SYCP2: variants seen among roughly 807,000 people sequenced by gnomAD.
SYCP2 encodes the protein synaptonemal complex lateral element protein.
In SYCP2, 55 loss-of-function variants were observed where a neutral mutation model predicts 211.3. That is an observed-to-expected ratio of 0.26 (90% CI 0.21 to 0.33). SYCP2 has a LOEUF of 0.33. SYCP2 is among the 10% of genes least tolerant of loss of function. SYCP2 has a pLI of 1.00. For synonymous variants in SYCP2, 570 were observed against 555.2 expected (o/e 1.03, Z -0.37); for missense variants, 1,731 against 1,752.0 (o/e 0.99, Z 0.21).
intron 1 of SYCP2, among the ~76,000 whole-genome samples, chr20:59,932,632 C>G (rs1461506051): frequency 6.6e-6 from 1 of 152,148 alleles, no homozygotes; most frequent in Non-Finnish European, 1.5e-5. Flanking sequence ...CGAGATCGCA[C>G]CACTAAACTC....
rs1208785787 is a variant in SYCP2 at position 59,866,334 on chromosome 20, T to C, written c.4279A>G (p.Lys1427Glu). The change falls in exon 41 of 45, where the codon AAA becomes GAA. Residue 1427 changes from lysine to glutamate, a missense_variant. Around this residue, in one of 3 missense-constraint regions of SYCP2, gnomAD observed 1,387 missense variants for 1,351.3 expected, o/e 1.03. Coordinates refer to ENST00000357552, the MANE Select transcript of SYCP2 (RefSeq NM_014258.4). ...AAATCTTTTAAAGACTGTGAATCTT[T>C]TTCAAAATTCTCCAGCTCCTCTATG... ...IIIEELENFE[K>E]DSQSLKDLEK... 6.3e-7 allele frequency: 1 copy of C among 1,597,814 alleles called. No individual in the cohort carries two copies. The highest frequency in any genetic ancestry group is 1.7e-5 in the Admixed American group (1 of 57,208).
intron 32 of SYCP2, 27 bp downstream of exon 32, chr20:59,877,981 T>C (rs1401638222): frequency 6.4e-7 from 1 of 1,557,900 alleles, no homozygotes; most frequent in Non-Finnish European, 8.8e-7. Context: ...TTTAAAGGGA[T>C]GTTTGAACAC....
At position 59,908,722 on chromosome 20, in the gene SYCP2, A is replaced by G. The variant is rs78957129; in HGVS notation, c.973-1298T>C. Among the ~76,000 whole-genome samples the G allele has an allele frequency of 1.9e-4, 29 of 152,248 alleles. No individual in the cohort carries two copies. In the East Asian group the frequency reaches 5.4e-3, roughly 28 times the overall value. On this transcript the variant is annotated intron_variant, in intron 14 of 44. Transcript: ENST00000357552. ...AAATATGCCCTTACCCAGATTCAAC[A>G]GTTATCAGTATGTTGTAGCAATTTT...
intron 39 of SYCP2, among the ~76,000 whole-genome samples, chr20:59,867,327 A>C (rs1366872959): frequency 6.6e-6 from 1 of 151,804 alleles, no homozygotes; most frequent in Non-Finnish European, 1.5e-5. Context: ...AAAACTAGTA[A>C]AACAAAATGA....
intron 18 of SYCP2, 67 bp downstream of exon 18, chr20:59,900,071 T>A (rs770566092): frequency 6.8e-7 from 1 of 1,470,608 alleles, no homozygotes; most frequent in Non-Finnish European, 9.5e-7. Context: ...CTTCTTTCAG[T>A]ACTCATATAT....
rs751600219 is a variant in SYCP2 at position 59,896,519 on chromosome 20, G to A, written c.1414C>T (p.Pro472Ser). The A allele has an allele frequency of 3.7e-6, 6 of 1,602,670 alleles. No individual in the cohort carries two copies. In the African/African-American group the frequency reaches 5.4e-5, roughly 14 times the overall value. Residue 472 changes from proline (P) to serine (S), a missense_variant, in exon 19 of 45, where the codon CCT (proline) becomes TCT (serine). By Grantham distance (74) the Pro-to-Ser change is moderately conservative. Coordinates refer to ENST00000357552, the MANE Select transcript of SYCP2 (RefSeq NM_014258.4). Reference protein sequence around the residue: ...RNNSQLEKTTPSKRKMSEASM... With the variant: ...RNNSQLEKTTSSKRKMSEASM... ...GCTTCAGACATTTTTCTTTTGCTAG[G>A]AGTAGTTTTCTGAAACCACGATGAA...
chr20:59,867,681 G>C, intron 39 of SYCP2, 30 bp downstream of exon 39: 1 of 1,555,280 alleles, frequency 6.4e-7, no homozygotes, highest in Non-Finnish European at 8.8e-7. Flanking sequence ...ATATTATTGG[G>C]TATAAATCAT....
At chr20:59,911,892 A>G in intron 13 of SYCP2, 47 bp from the exon 14 acceptor site, 1 of 959,634 alleles carries the variant, frequency 1.0e-6, no homozygotes, top group Non-Finnish European at 1.6e-6. Flanking sequence ...GATTTTAGAA[A>G]TAACAGACAA....
chr20:59,877,875 G>A (rs961144832), intron 32 of SYCP2, 133 bp downstream of exon 32: 17 of 692,224 alleles, frequency 2.5e-5, no homozygotes, highest in African/African-American at 7.3e-5. Context: ...AGGAGAAAGT[G>A]TGCAAAAGAA....
Position 59,893,056 on chromosome 20 carries a change from TAC to T in SYCP2, c.1793+84_1793+85del. 6.6e-6 allele frequency: 6 copies of T among 912,886 alleles called. No homozygotes were observed. In the Admixed American group the frequency reaches 1.4e-4, roughly 21 times the overall value. 56.5% of individuals were successfully genotyped at this position (912,886 alleles called of 1,614,324 possible). On this transcript the variant is annotated intron_variant, in intron 22 of 44. Coordinates refer to ENST00000357552, the MANE Select transcript of SYCP2 (RefSeq NM_014258.4). ...ATGATTAATACTAATTCTAATCATA[TAC>T]AGTCCTTTTCCTCCAAATCTGTTAC... is the stretch of plus-strand genomic sequence containing the variant.
intron 13 of SYCP2, 49 bp from the exon 14 acceptor site, chr20:59,911,894 AAC>A (rs773691127): frequency 1.6e-5 from 15 of 962,536 alleles, no homozygotes; most frequent in Admixed American, 7.0e-5. Context: ...TTTTAGAAAT[AAC>A]AGACAATTAT....
intron 33 of SYCP2, 110 bp from the exon 34 acceptor site, chr20:59,875,579 C>A (rs980303800): frequency 2.6e-6 from 2 of 776,478 alleles, no homozygotes; most frequent in African/African-American, 1.8e-5. Flanking sequence ...TTACCACATA[C>A]AGGCATAACA....
chr20:59,869,766 G>C (rs777092082), intron 36 of SYCP2, 32 bp downstream of exon 36: 3 of 1,406,814 alleles, frequency 2.1e-6, no homozygotes, highest in Non-Finnish European at 3.0e-6. Context: ...CTTAGTGTAA[G>C]GAAAATTTAT....
chr20:59,893,646 T>A, intron 20 of SYCP2, 53 bp from the exon 21 acceptor site: 1 of 1,369,000 alleles, frequency 7.3e-7, no homozygotes, highest in Non-Finnish European at 1.0e-6. Context: ...TATGAAAACC[T>A]AAATGTTACA....
intron 18 of SYCP2, among the ~76,000 whole-genome samples, chr20:59,899,525 G>C (rs910070115): frequency 1.8e-4 from 28 of 152,158 alleles, no homozygotes. Flanking sequence ...TGGATATCAA[G>C]GTTTTGGGTT....
intron 9 of SYCP2, 58 bp downstream of exon 9, chr20:59,915,407 C>CTTTT: frequency 8.1e-7 from 1 of 1,239,798 alleles, no homozygotes; most frequent in East Asian, 2.3e-5. Flanking sequence ...AGTTGTCTGT[C>CTTTT]TTATAAAACA....
At chr20:59,879,930 G>A (rs1475836418) in intron 31 of SYCP2, among the ~76,000 whole-genome samples, 1 of 140,356 alleles carries the variant, frequency 7.1e-6, no homozygotes, top group African/African-American at 2.6e-5. Context: ...GTAAATACAT[G>A]TAAATATATA....
At chr20:59,881,335 T>C in intron 29 of SYCP2, 102 bp downstream of exon 29, 1 of 675,048 alleles carries the variant, frequency 1.5e-6, no homozygotes, top group Admixed American at 3.5e-5. Context: ...TGACTAGCAT[T>C]TTTATTCACT....
At chr20:59,876,821 A>G (rs542012725) in intron 33 of SYCP2, among the ~76,000 whole-genome samples, 2 of 152,248 alleles carry the variant, frequency 1.3e-5, no homozygotes, top group African/African-American at 2.4e-5. Flanking sequence ...TATTTTTCCC[A>G]TAATTGGAGT....
Sources: allele counts gnomAD v4.1 joint callset (sites outside exome capture counted in the v4.1 genomes callset), GRCh38; gene constraint gnomAD v4.1.1; regional missense constraint gnomAD v4.1.1; transcripts MANE v1.5; gene names NCBI Gene and HGNC (gene_info 2026-07-23, HGNC 2026-07-21).